Variants in DMRT1 observed in about 807,000 individuals in gnomAD.
DMRT1 encodes doublesex and mab-3 related transcription factor 1, also known as doublesex- and mab-3-related transcription factor 1.
DMRT1 carries 7 observed loss-of-function variants against 32.3 expected under a neutral mutation model. The ratio of observed to expected loss-of-function variants is 0.22; its 90% CI spans 0.12 to 0.41. The LOEUF is 0.41. DMRT1 is among the 10% of genes least tolerant of loss of function. DMRT1 has a pLI of 1.00. For synonymous variants in DMRT1, 278 were observed against 206.1 expected, an observed-to-expected ratio of 1.35 and a Z score of -2.99; for missense variants, 625 against 500.5, an observed-to-expected ratio of 1.25 and a Z score of -2.37.
intron 4 of DMRT1, among the ~76,000 whole-genome samples, chr9:963,384 G>T (rs1819836538): frequency 6.6e-6 from 1 of 151,270 alleles, no homozygotes; most frequent in South Asian, 2.1e-4. Flanking sequence ...TGCACTCGGG[G>T]GAAAAACACA....
At chr9:920,052 T>C (rs1818305716) in intron 4 of DMRT1, among the ~76,000 whole-genome samples, 1 of 152,192 alleles carries the variant, frequency 6.6e-6, no homozygotes, top group South Asian at 2.1e-4. Flanking sequence ...TTGTGTGCAT[T>C]ACGAGTTTAA....
At chr9:934,648 A>T (rs1385902796) in intron 4 of DMRT1, among the ~76,000 whole-genome samples, 1 of 152,172 alleles carries the variant, frequency 6.6e-6, no homozygotes, top group African/African-American at 2.4e-5. Context: ...TCTTTGATCC[A>T]TTTTGAGTTA....
At chr9:913,858 A>C (rs1818076791) in intron 3 of DMRT1, among the ~76,000 whole-genome samples, 1 of 151,844 alleles carries the variant, frequency 6.6e-6, no homozygotes, top group African/African-American at 2.4e-5. Context: ...GTGCCATTGC[A>C]CTCCAGCCTG....
intron 2 of DMRT1, among the ~76,000 whole-genome samples, chr9:888,964 T>TA (rs60836064): frequency 0.054 from 7,343 of 136,940 alleles, 276 homozygotes; most frequent in African/African-American, 0.12. Flanking sequence ...CCATCTGTAT[T>TA]AAAAAAAAAA....
At chr9:868,874 G>A (rs938123693) in intron 2 of DMRT1, among the ~76,000 whole-genome samples, 2 of 152,116 alleles carry the variant, frequency 1.3e-5, no homozygotes, top group African/African-American at 4.8e-5. Context: ...GCTGGGTATG[G>A]TGGCACACAC....
In DMRT1 at chr9:931,034, C is replaced by T. The variant is rs1212623775; in HGVS notation, c.967+14127C>T. The stretch of plus-strand genomic sequence containing the variant: ...ACTCCCATTTCTGCCTCCCTCCCAG[C>T]CCCTGCCAAAATACTAGTTTACTTT... On this transcript the variant is annotated intron_variant, in intron 4 of 4. Coordinates refer to ENST00000382276, the MANE Select transcript of DMRT1 (RefSeq NM_021951.3). Among the ~76,000 whole-genome samples the T allele has an allele frequency of 2.0e-5, 3 of 152,292 alleles. No individual in the cohort carries two copies. The South Asian group carries it at 6.2e-4, about 32-fold the overall frequency.
At chr9:954,381 C>T (rs429002) in intron 4 of DMRT1, among the ~76,000 whole-genome samples, 1 of 151,514 alleles carries the variant, frequency 6.6e-6, no homozygotes, top group Admixed American at 6.6e-5. Context: ...TTAGATGAGG[C>T]TGTGGTAGGA....
intron 2 of DMRT1, among the ~76,000 whole-genome samples, chr9:851,173 A>C (rs535048099): frequency 2.4e-4 from 37 of 152,246 alleles, no homozygotes; most frequent in African/African-American, 6.3e-4. Context: ...CTAACTTTCT[A>C]CTTTCTAATA....
At chr9:867,781 G>A (rs1373376291) in intron 2 of DMRT1, among the ~76,000 whole-genome samples, 1 of 152,032 alleles carries the variant, frequency 6.6e-6, no homozygotes, top group Non-Finnish European at 1.5e-5. Flanking sequence ...TTGGTACAAG[G>A]GTAAGTAAAA....
intron 2 of DMRT1, among the ~76,000 whole-genome samples, chr9:893,361 G>C (rs904791823): frequency 6.6e-6 from 1 of 152,344 alleles, no homozygotes; most frequent in South Asian, 2.1e-4. Flanking sequence ...TGATTGAATA[G>C]TTGACAAAAC....
intron 2 of DMRT1, among the ~76,000 whole-genome samples, chr9:852,319 C>T (rs1400467766): frequency 6.6e-6 from 1 of 151,030 alleles, no homozygotes; most frequent in Admixed American, 6.6e-5. Context: ...ATGATTTTGA[C>T]TCTACATGAC....
chr9:960,366 A>C (rs1321814869), intron 4 of DMRT1, among the ~76,000 whole-genome samples: 2 of 152,218 alleles, frequency 1.3e-5, no homozygotes, highest in Admixed American at 1.3e-4. Flanking sequence ...TTCTCAACCA[A>C]TGTTTAATAA....
At chr9:878,738 G>A (rs1228260890) in intron 2 of DMRT1, among the ~76,000 whole-genome samples, 1 of 152,150 alleles carries the variant, frequency 6.6e-6, no homozygotes, top group Non-Finnish European at 1.5e-5. Flanking sequence ...GCCGTGTTGT[G>A]ATTGTGATAA....
chr9:893,606 G>T (rs1226252002), intron 2 of DMRT1, among the ~76,000 whole-genome samples: 1 of 152,210 alleles, frequency 6.6e-6, no homozygotes, highest in Non-Finnish European at 1.5e-5. Flanking sequence ...TCAGTTTCTT[G>T]ACATTAGGAT....
intron 4 of DMRT1, among the ~76,000 whole-genome samples, chr9:925,274 A>G (rs1271559068): frequency 6.6e-6 from 1 of 152,160 alleles, no homozygotes; most frequent in East Asian, 1.9e-4. Flanking sequence ...TTCCTCATCT[A>G]CTTGGAGTTA....
intron 2 of DMRT1, among the ~76,000 whole-genome samples, chr9:850,493 G>T (rs1044580206): frequency 1.3e-5 from 2 of 152,140 alleles, no homozygotes; most frequent in African/African-American, 4.8e-5. Context: ...ATGTATAGTG[G>T]AGTACAAAAA....
At chr9:939,065 T>A (rs886766650) in intron 4 of DMRT1, among the ~76,000 whole-genome samples, 1 of 152,256 alleles carries the variant, frequency 6.6e-6, no homozygotes, top group Non-Finnish European at 1.5e-5. Flanking sequence ...CTTCTAGGGC[T>A]ACCTTAAAGG....
intron 3 of DMRT1, among the ~76,000 whole-genome samples, chr9:914,667 G>GA (rs1350133928): frequency 6.6e-6 from 1 of 150,492 alleles, no homozygotes; most frequent in Non-Finnish European, 1.5e-5. Flanking sequence ...ATATACTTCA[G>GA]AAAAACAAAC....
intron 2 of DMRT1, among the ~76,000 whole-genome samples, chr9:887,446 T>G (rs1413279547): frequency 2.6e-5 from 4 of 152,198 alleles, no homozygotes. Flanking sequence ...AAACCTTCAT[T>G]GGTTCCCTAG....
Sources: gnomAD v4.1 joint callset for allele counts (sites outside exome capture counted in the v4.1 genomes callset) on GRCh38, gnomAD v4.1.1 for gene constraint, MANE v1.5 for transcripts, NCBI Gene and HGNC (gene_info 2026-07-23, HGNC 2026-07-21) for gene names.